UGT1A8: variants seen among roughly 807,000 people sequenced by gnomAD.
UGT1A8 encodes the protein UDP-glucuronosyltransferase 1A8.
UGT1A8 carries 39 observed loss-of-function variants against 45.3 expected under a neutral mutation model. The observed-to-expected ratio is 0.86, with a 90% CI of 0.67 to 1.12. The LOEUF is 1.12. Among genes scored for constraint, UGT1A8 ranks in the 50% most tolerant of loss-of-function variants. UGT1A8 has a pLI of 0.00. For synonymous variants in UGT1A8, 275 were observed against 249.2 expected, an observed-to-expected ratio of 1.10 and a Z score of -0.97; for missense variants, 719 against 664.9, an observed-to-expected ratio of 1.08 and a Z score of -0.90.
At chr2:233,621,582 T>G (rs2073007896) in intron 1 of UGT1A8, among the ~76,000 whole-genome samples, 1 of 152,186 alleles carries the variant, frequency 6.6e-6, no homozygotes, top group African/African-American at 2.4e-5. Flanking sequence ...ATTTTCAAAG[T>G]TTTCCAACCT....
intron 1 of UGT1A8, chr2:233,693,465 C>T (rs139410055): frequency 3.7e-6 from 6 of 1,614,070 alleles, no homozygotes; most frequent in Non-Finnish European, 5.1e-6. Context: ...CCAGCCTTAC[C>T]CTGTGGGGTG....
At chr2:233,657,294 G>C (rs932511683) in intron 1 of UGT1A8, among the ~76,000 whole-genome samples, 2 of 152,148 alleles carry the variant, frequency 1.3e-5, no homozygotes, top group African/African-American at 4.8e-5. Context: ...CCTGGGGCTG[G>C]GTAATGTATA....
chr2:233,729,276 G>T (rs765243640), intron 1 of UGT1A8: 1 of 1,614,232 alleles, frequency 6.2e-7, no homozygotes, highest in Non-Finnish European at 8.5e-7. Flanking sequence ...TCTTGCGGGA[G>T]CTCCATGCCA....
chr2:233,751,041 C>T (rs1189631528), intron 1 of UGT1A8, among the ~76,000 whole-genome samples: 2 of 151,832 alleles, frequency 1.3e-5, no homozygotes, highest in African/African-American at 4.9e-5. Flanking sequence ...GCACTGTGTG[C>T]CTGGAAAAGA....
At position 233,728,430 on chromosome 2, in the gene UGT1A8, A is replaced by G. The variant is rs531471868; in HGVS notation, c.856-38604A>G. Among the ~76,000 whole-genome samples, 89 of 152,228 alleles carry G rather than the reference A, an allele frequency of 5.8e-4. 1 individual carries two copies. The highest frequency in any genetic ancestry group is 2.0e-3 in the African/African-American group (84 of 41,542). ...TTTAGATAGCAGCACCTCTTCTTCC[A>G]TGGTGTATATGGAGAATCCTCAACA... On this transcript the variant is annotated intron_variant, in intron 1 of 4. Transcript: ENST00000373450.
Position 233,743,334 on chromosome 2 carries a change from A to G in UGT1A8, c.856-23700A>G, listed in dbSNP as rs568503727. Reference sequence around the variant, plus strand: ...TGATTTTTTTACCATCAACTATTTCAGTGGAAGTCGACATGGACTTGAAGC... The same window carrying G: ...TGATTTTTTTACCATCAACTATTTCGGTGGAAGTCGACATGGACTTGAAGC... On this transcript the variant is annotated intron_variant, in intron 1 of 4. Transcript: ENST00000373450. The G allele has an allele frequency of 4.6e-5, 36 of 779,716 alleles. 1 individual carries two copies. The highest frequency in any genetic ancestry group is 6.6e-5 in the Non-Finnish European group (34 of 513,604). The allele number at this position is 779,716 out of a possible 1,614,324, so 48.3% of individuals were successfully genotyped here.
chr2:233,729,862 G>T lies in UGT1A8; in HGVS notation c.856-37172G>T, dbSNP rs146461519. On this transcript the variant is annotated intron_variant, in intron 1 of 4. Transcript: ENST00000373450. Reference sequence around the variant, plus strand: ...GCTTTTTCAGAGAGAGGTGTCAGTGGTGGATATTCTCAGTCATGCATCTGT... The same window carrying T: ...GCTTTTTCAGAGAGAGGTGTCAGTGTTGGATATTCTCAGTCATGCATCTGT... 816 of 1,613,860 alleles carry T rather than the reference G, an allele frequency of 5.1e-4. 3 individuals are homozygous for T. In the Middle Eastern group the frequency reaches 7.4e-3, roughly 15 times the overall value.
At chr2:233,659,599 G>A (rs2073926020) in intron 1 of UGT1A8, among the ~76,000 whole-genome samples, 1 of 152,088 alleles carries the variant, frequency 6.6e-6, no homozygotes, top group Admixed American at 6.6e-5. Context: ...GCTTTTTCAG[G>A]GATGGCAGAT....
chr2:233,681,308 C>T (rs1559338818), intron 1 of UGT1A8, among the ~76,000 whole-genome samples: 1 of 151,822 alleles, frequency 6.6e-6, no homozygotes, highest in Non-Finnish European at 1.5e-5. Context: ...CCGAGATGGG[C>T]AGATTGCCTG....
intron 1 of UGT1A8, among the ~76,000 whole-genome samples, chr2:233,629,097 C>T (rs1054986510): frequency 6.6e-6 from 1 of 151,990 alleles, no homozygotes; most frequent in African/African-American, 2.4e-5. Flanking sequence ...AAACTTTGGA[C>T]CCATTAAAAA....
chr2:233,767,558 C>G (rs1283373150), intron 2 of UGT1A8, among the ~76,000 whole-genome samples: 3 of 152,208 alleles, frequency 2.0e-5, no homozygotes, highest in African/African-American at 7.2e-5. Context: ...TCTGCATCCA[C>G]TTGTTTCATT....
At chr2:233,742,793 T>C (rs1266813463) in intron 1 of UGT1A8, 1 of 152,996 alleles carries the variant, frequency 6.5e-6, no homozygotes, top group Non-Finnish European at 1.5e-5. Context: ...ATCATTAAAT[T>C]AAGCCAGAAG....
intron 1 of UGT1A8, among the ~76,000 whole-genome samples, chr2:233,757,766 G>A (rs1169168407): frequency 6.6e-6 from 1 of 151,746 alleles, no homozygotes; most frequent in Admixed American, 6.6e-5. Context: ...TGCTCCTTTA[G>A]TAATAAGCCT....
At chr2:233,712,759 G>A (rs897356928) in intron 1 of UGT1A8, among the ~76,000 whole-genome samples, 48 of 152,058 alleles carry the variant, frequency 3.2e-4, no homozygotes, top group Admixed American at 2.4e-3. Flanking sequence ...CAGAGCGAGC[G>A]CAAGGTCAGA....
At chr2:233,686,765 A>T (rs926111347) in intron 1 of UGT1A8, among the ~76,000 whole-genome samples, 5 of 151,996 alleles carry the variant, frequency 3.3e-5, no homozygotes, top group Non-Finnish European at 7.4e-5. Flanking sequence ...GCTTTATTTT[A>T]TGCAACACTC....
intron 1 of UGT1A8, among the ~76,000 whole-genome samples, chr2:233,766,449 C>T (rs1213957356): frequency 6.6e-6 from 1 of 152,156 alleles, no homozygotes; most frequent in Non-Finnish European, 1.5e-5. Flanking sequence ...TGTCTGCCTG[C>T]TAGGGTCTTG....
intron 1 of UGT1A8, among the ~76,000 whole-genome samples, chr2:233,644,526 A>G (rs967513793): frequency 3.9e-5 from 6 of 152,100 alleles, no homozygotes; most frequent in Middle Eastern, 3.2e-3. Context: ...ATACCACTGC[A>G]CTCCAGCCTA....
chr2:233,695,194 C>T (rs1403782855), intron 1 of UGT1A8, among the ~76,000 whole-genome samples: 1 of 147,816 alleles, frequency 6.8e-6, no homozygotes, highest in Admixed American at 6.8e-5. Flanking sequence ...GGTGCGATCT[C>T]AGCCCACTGC....
intron 1 of UGT1A8, among the ~76,000 whole-genome samples, chr2:233,632,626 T>C (rs2073211501): frequency 6.6e-6 from 1 of 152,180 alleles, no homozygotes; most frequent in Non-Finnish European, 1.5e-5. Context: ...AATTTGGCTC[T>C]CTGTTTTTCC....
Sources: allele counts gnomAD v4.1 joint callset (sites outside exome capture counted in the v4.1 genomes callset), GRCh38; gene constraint gnomAD v4.1.1; transcripts MANE v1.5; gene names NCBI Gene and HGNC (gene_info 2026-07-23, HGNC 2026-07-21).